The following NVL variants were observed in gnomAD, a reference collection of about 807,000 sequenced individuals.
NVL encodes the protein nuclear valosin-containing protein-like.
In NVL, 84 loss-of-function variants were observed where a neutral mutation model predicts 110.2. That is an observed-to-expected ratio of 0.76 (90% CI 0.64 to 0.91). NVL has a LOEUF of 0.91. NVL is among the 40% of genes least tolerant of loss of function. NVL has a pLI of 0.00. For synonymous variants in NVL, 354 were observed against 361.1 expected (o/e 0.98, Z 0.22); for missense variants, 882 against 1,035.9 (o/e 0.85, Z 2.04).
At chr1:224,303,913 G>A in intron 8 of NVL, 56 bp from the exon 9 acceptor site, 1 of 1,533,154 alleles carries the variant, frequency 6.5e-7, no homozygotes, top group Non-Finnish European at 8.8e-7. Context: ...AAAGTAGAAT[G>A]AAATGTCCTA....
chr1:224,307,906 A>G, intron 6 of NVL, 85 bp downstream of exon 6: 4 of 1,324,978 alleles, frequency 3.0e-6, no homozygotes, highest in Non-Finnish European at 4.1e-6. Flanking sequence ...TCCACAAAAC[A>G]CAAGTATCTG....
chr1:224,227,751 T>C, intron 22 of NVL, 81 bp from the exon 23 acceptor site: 3 of 1,337,186 alleles, frequency 2.2e-6, no homozygotes, highest in Non-Finnish European at 3.2e-6. Flanking sequence ...ATTCACATGC[T>C]GCAGTCCGCA....
intron 12 of NVL, 116 bp from the exon 13 acceptor site, chr1:224,289,849 A>ATTTGATCT: frequency 1.1e-6 from 1 of 897,998 alleles, no homozygotes. Flanking sequence ...AATGGATACT[A>ATTTGATCT]TATAAGATCA....
intron 13 of NVL, chr1:224,289,080 C>A: frequency 5.8e-6 from 1 of 173,244 alleles, no homozygotes; most frequent in Non-Finnish European, 1.2e-5. Flanking sequence ...CTGTAAACAC[C>A]GTAGGCTTTG....
At chr1:224,288,867 A>C (rs537443487) in intron 13 of NVL, among the ~76,000 whole-genome samples, 2 of 152,340 alleles carry the variant, frequency 1.3e-5, no homozygotes, top group African/African-American at 4.8e-5. Flanking sequence ...TCATAAAACT[A>C]AAAAATTTAA....
At chr1:224,261,419 G>A (rs1663973491) in intron 18 of NVL, among the ~76,000 whole-genome samples, 1 of 152,132 alleles carries the variant, frequency 6.6e-6, no homozygotes, top group Admixed American at 6.6e-5. Flanking sequence ...AAGATATTTG[G>A]GTTTCATAAT....
intron 19 of NVL, among the ~76,000 whole-genome samples, chr1:224,245,915 C>A (rs982362397): frequency 6.6e-6 from 1 of 151,916 alleles, no homozygotes; most frequent in Non-Finnish European, 1.5e-5. Context: ...CCATGCCCGG[C>A]CAAAGTTGAC....
At chr1:224,243,100 T>C (rs771938849) in intron 19 of NVL, among the ~76,000 whole-genome samples, 1 of 152,014 alleles carries the variant, frequency 6.6e-6, no homozygotes, top group Non-Finnish European at 1.5e-5. Flanking sequence ...TATTTATTTA[T>C]TTATTTTTTA....
At chr1:224,250,712 C>T (rs1662376752) in intron 18 of NVL, among the ~76,000 whole-genome samples, 1 of 151,848 alleles carries the variant, frequency 6.6e-6, no homozygotes, top group Non-Finnish European at 1.5e-5. Flanking sequence ...CCCTCAACCG[C>T]TCCCACTCTT....
chr1:224,304,523 T>TA (rs1292972288), intron 8 of NVL, among the ~76,000 whole-genome samples: 1 of 152,112 alleles, frequency 6.6e-6, no homozygotes, highest in Non-Finnish European at 1.5e-5. Context: ...ATGGATCTTA[T>TA]ATATACTATA....
chr1:224,255,483 C>T (rs544760460), intron 18 of NVL, among the ~76,000 whole-genome samples: 10 of 151,850 alleles, frequency 6.6e-5, no homozygotes, highest in Admixed American at 3.9e-4. Flanking sequence ...TGAGCCACCG[C>T]GCCTGGCCTA....
In NVL at chr1:224,227,411, T is replaced by C; in HGVS notation, c.*215A>G. On this transcript the variant is annotated 3_prime_UTR_variant, in exon 23 of 23. Coordinates refer to ENST00000281701, the MANE Select transcript of NVL (RefSeq NM_002533.4). The stretch of plus-strand genomic sequence containing the variant: ...TTTTATTTCAGCAGTTTAAAAATTG[T>C]CCTTTTTCTTAAAGAGGAAGAAGGC... 2.8e-6 allele frequency: 1 copy of C among 360,076 alleles called. No homozygotes were observed. Among genetic ancestry groups the C allele is most frequent in the Non-Finnish European group, 5.2e-6 (1 of 193,700 alleles). The allele number at this position is 360,076 out of a possible 1,614,324, so 22.3% of individuals were successfully genotyped here.
chr1:224,236,503 TACG>T lies in NVL; in HGVS notation c.2366_2366+2del. On this transcript the variant is annotated splice_donor_variant and coding_sequence_variant, in exon 20 of 23. Transcript: ENST00000281701. LOFTEE classifies it high-confidence loss of function. ...TGAATTGACTTAAGATTTAAACACT[TACG>T]TATAGCAATCACAGCGAAGGTCACC... 1 of 1,611,160 alleles carries T rather than the reference TACG, an allele frequency of 6.2e-7. No homozygotes were observed. Among genetic ancestry groups the T allele is most frequent in the Non-Finnish European group, 8.5e-7 (1 of 1,177,392 alleles).
intron 1 of NVL, among the ~76,000 whole-genome samples, chr1:224,327,454 A>G (rs1671253310): frequency 6.6e-6 from 1 of 152,198 alleles, no homozygotes; most frequent in South Asian, 2.1e-4. Context: ...AAAATAAAAA[A>G]TTAAAATTAA....
Position 224,286,142 on chromosome 1 carries a change from G to A in NVL, c.1795-12C>T. The stretch of plus-strand genomic sequence containing the variant: ...TTGCGTACTGGTGCCTGGAAATAAT[G>A]ATACAAACGGCGATCCATTACATGT... On this transcript the variant is annotated splice_polypyrimidine_tract_variant and intron_variant, in intron 14 of 22. Coordinates refer to ENST00000281701, the MANE Select transcript of NVL (RefSeq NM_002533.4). 1 of 1,587,812 alleles carries A rather than the reference G, an allele frequency of 6.3e-7. No homozygotes were observed. The highest frequency in any genetic ancestry group is 2.2e-5 in the East Asian group (1 of 44,754).
At chr1:224,295,504 T>C (rs758790272) in intron 11 of NVL, among the ~76,000 whole-genome samples, 4 of 151,800 alleles carry the variant, frequency 2.6e-5, no homozygotes, top group Non-Finnish European at 4.4e-5. Flanking sequence ...CCAGCCACAG[T>C]GTGTTCTTTA....
chr1:224,279,892 C>T (rs1401804434), intron 16 of NVL, among the ~76,000 whole-genome samples: 3 of 152,014 alleles, frequency 2.0e-5, no homozygotes, highest in Non-Finnish European at 4.4e-5. Context: ...TCTTGGTATG[C>T]TGGTCTGTCT....
intron 6 of NVL, 134 bp from the exon 7 acceptor site, chr1:224,305,300 T>C (rs7532244): frequency 1 from 801,091 of 801,132 alleles, 400,525 homozygotes; most frequent in Middle Eastern, 1. Flanking sequence ...CTATTCCCAA[T>C]CTCTTTGCTC....
At chr1:224,320,632 G>A (rs1404398565) in intron 2 of NVL, among the ~76,000 whole-genome samples, 1 of 151,062 alleles carries the variant, frequency 6.6e-6, no homozygotes, top group Non-Finnish European at 1.5e-5. Context: ...GGGTGACTGA[G>A]TGAGACTCCA....
Sources: gnomAD v4.1 joint callset for allele counts (sites outside exome capture counted in the v4.1 genomes callset) on GRCh38, gnomAD v4.1.1 for gene constraint, MANE v1.5 for transcripts, NCBI Gene and HGNC (gene_info 2026-07-23, HGNC 2026-07-21) for gene names.